The following TMPRSS11A variants were observed in gnomAD, a reference collection of about 807,000 sequenced individuals.
TMPRSS11A encodes transmembrane serine protease 11A, also known as transmembrane protease serine 11A.
Under a neutral mutation model 58.9 loss-of-function variants are expected in TMPRSS11A, and 53 were observed. That is an observed-to-expected ratio of 0.90 (90% CI 0.72 to 1.13). The LOEUF (loss-of-function observed/expected upper bound fraction) is 1.13. Ranked by LOEUF, TMPRSS11A falls within the 50% of genes most tolerant of loss-of-function variation. The pLI, the probability that TMPRSS11A is intolerant of heterozygous loss-of-function variation, is 0.00. For missense variants in TMPRSS11A, 493 were observed against 499.3 expected (o/e 0.99, Z 0.12); for synonymous variants, 167 against 169.8 (o/e 0.98, Z 0.13).
At chr4:67,926,373 G>A (rs1020431922) in intron 5 of TMPRSS11A, among the ~76,000 whole-genome samples, 6 of 152,212 alleles carry the variant, frequency 3.9e-5, no homozygotes, top group African/African-American at 1.4e-4. Context: ...AGGAAACAAT[G>A]TTTTTGCCTA....
chr4:67,928,175 G>T (rs1454851897), intron 5 of TMPRSS11A, among the ~76,000 whole-genome samples: 1 of 152,166 alleles, frequency 6.6e-6, no homozygotes, highest in Admixed American at 6.5e-5. Context: ...CTCCCAAGTA[G>T]CTGGGATTAC....
chr4:67,911,641 A>T, intron 9 of TMPRSS11A, 138 bp from the exon 10 acceptor site: 1 of 533,962 alleles, frequency 1.9e-6, no homozygotes, highest in South Asian at 5.3e-5. Context: ...ATTAATTGAG[A>T]CATGGATTTT....
intron 1 of TMPRSS11A, among the ~76,000 whole-genome samples, chr4:67,961,991 A>T (rs1332976339): frequency 6.6e-6 from 1 of 152,198 alleles, no homozygotes; most frequent in African/African-American, 2.4e-5. Context: ...AGTGATTTGG[A>T]GAATATGAAA....
chr4:67,919,997 A>G (rs971421733), intron 7 of TMPRSS11A, among the ~76,000 whole-genome samples: 1 of 152,208 alleles, frequency 6.6e-6, no homozygotes, highest in African/African-American at 2.4e-5. Flanking sequence ...TCTCATTTAC[A>G]TTTTTAAAAA....
At chr4:67,925,532 C>T (rs552412924) in intron 5 of TMPRSS11A, among the ~76,000 whole-genome samples, 1 of 152,280 alleles carries the variant, frequency 6.6e-6, no homozygotes, top group African/African-American at 2.4e-5. Context: ...ATGATAAACT[C>T]TACAAAGTGG....
At position 67,938,053 on chromosome 4, in the gene TMPRSS11A, C is replaced by T. The variant is rs80227373; in HGVS notation, c.253-5993G>A. ...TTAAGCATTCTCTTTCCTCCGCAGT[C>T]TCATCAGCATGTTATTTTTTTAATC... On this transcript the variant is annotated intron_variant, in intron 3 of 9. Transcript: ENST00000508048. Among the ~76,000 whole-genome samples, 875 of 152,252 alleles carry T rather than the reference C, an allele frequency of 5.7e-3. 8 individuals carry two copies. Among genetic ancestry groups the T allele is most frequent in the African/African-American group, 0.018 (768 of 41,564 alleles).
chr4:67,923,989 G>C (rs536556027), intron 6 of TMPRSS11A, 139 bp downstream of exon 6: 2 of 796,120 alleles, frequency 2.5e-6, no homozygotes, highest in East Asian at 2.6e-5. Flanking sequence ...GAAAAAAAAT[G>C]TATTTAAATC....
At chr4:67,933,886 C>T (rs73823323) in intron 3 of TMPRSS11A, among the ~76,000 whole-genome samples, 9,788 of 152,170 alleles carry the variant, frequency 0.064, 861 homozygotes, top group African/African-American at 0.2. Context: ...ATAAGTTCAA[C>T]CACATTTGAT....
At chr4:67,951,247 A>G (rs769923560) in intron 1 of TMPRSS11A, among the ~76,000 whole-genome samples, 1 of 152,218 alleles carries the variant, frequency 6.6e-6, no homozygotes, top group Non-Finnish European at 1.5e-5. Context: ...GTCAATGAAA[A>G]CATGGTAATA....
At chr4:67,916,502 C>T (rs1030599108) in intron 8 of TMPRSS11A, among the ~76,000 whole-genome samples, 2 of 134,148 alleles carry the variant, frequency 1.5e-5, no homozygotes, top group Non-Finnish European at 3.2e-5. Flanking sequence ...CACACACACA[C>T]ATTTATATTG....
At chr4:67,914,774 T>G in intron 8 of TMPRSS11A, 44 bp from the exon 9 acceptor site, 1 of 1,565,110 alleles carries the variant, frequency 6.4e-7, no homozygotes, top group Non-Finnish European at 8.7e-7. Flanking sequence ...AATCAGCATC[T>G]TTGGCTAGAG....
In TMPRSS11A at chr4:67,920,547, ATATT is replaced by A. The variant is rs1469403241; in HGVS notation, c.693-1319_693-1316del. ...GGTAATTATATATATATATATATAT[ATATT>A]TTTTTTTATATATACACACACACAT... On this transcript the variant is annotated intron_variant, in intron 7 of 9. Coordinates refer to ENST00000508048, the MANE Select transcript of TMPRSS11A (RefSeq NM_001114387.2). Among the ~76,000 whole-genome samples, 216 of 80,102 alleles carry A rather than the reference ATATT, an allele frequency of 2.7e-3. 1 individual carries two copies. Among genetic ancestry groups the A allele is most frequent in the African/African-American group, 0.011 (206 of 17,994 alleles). The allele number at this position is 80,102 out of a possible 152,430, so 52.6% of individuals were successfully genotyped here. A position where few individuals can be genotyped will look rare whatever the true frequency, so the allele number is the denominator to read the frequency against.
chr4:67,951,020 G>A (rs958377026), intron 1 of TMPRSS11A, among the ~76,000 whole-genome samples: 1 of 152,178 alleles, frequency 6.6e-6, no homozygotes, highest in African/African-American at 2.4e-5. Context: ...CAAGAGATGG[G>A]GCAGACCCCT....
chr4:67,950,894 C>A (rs17088824), intron 1 of TMPRSS11A, among the ~76,000 whole-genome samples: 18,162 of 152,244 alleles, frequency 0.12, 3,433 homozygotes, highest in African/African-American at 0.4. Flanking sequence ...GACTACTTGG[C>A]ACTCTGCAGT....
At position 67,919,132 on chromosome 4, in the gene TMPRSS11A, G is replaced by C; in HGVS notation, c.793C>G (p.Arg265Gly). The part of the protein sequence containing the change: ...VRRFIIHEKY[R>G]SAAREYDIAV... Reference sequence around the variant, plus strand: ...ATGTCGTACTCTCTTGCTGCAGAGCGGTACTTCTCATGGATAATAAATCTT... The same window carrying C: ...ATGTCGTACTCTCTTGCTGCAGAGCCGTACTTCTCATGGATAATAAATCTT... The change falls in exon 8 of 10, where the codon CGC becomes GGC. Residue 265 changes from arginine to glycine, a missense_variant. Physicochemically the swap from Arg to Gly is moderately radical, Grantham distance 125. Transcript: ENST00000508048. 6.2e-7 allele frequency: 1 copy of C among 1,614,120 alleles called. No individual in the cohort carries two copies. Among genetic ancestry groups the C allele is most frequent in the South Asian group, 1.1e-5 (1 of 91,082 alleles).
At chr4:67,935,026 A>C (rs1047982972) in intron 3 of TMPRSS11A, among the ~76,000 whole-genome samples, 2 of 152,226 alleles carry the variant, frequency 1.3e-5, no homozygotes, top group East Asian at 1.9e-4. Flanking sequence ...GTGAAAAAAA[A>C]CTTTAGATCC....
At chr4:67,918,837 C>T (rs1394524369) in intron 8 of TMPRSS11A, 136 bp downstream of exon 8, 1 of 1,014,220 alleles carries the variant, frequency 9.9e-7, no homozygotes, top group Non-Finnish European at 1.4e-6. Flanking sequence ...AATTGAATTT[C>T]TGTCACACAA....
chr4:67,944,856 A>G (rs568448883), intron 2 of TMPRSS11A, among the ~76,000 whole-genome samples: 1 of 152,290 alleles, frequency 6.6e-6, no homozygotes, highest in Admixed American at 6.5e-5. Flanking sequence ...CTTTTTATGT[A>G]TTAGCCCATT....
rs77140422 is a variant in TMPRSS11A, at chr4:67,944,792, A to G, written c.134-155T>C. On this transcript the variant is annotated intron_variant, in intron 2 of 9. Coordinates refer to ENST00000508048, the MANE Select transcript of TMPRSS11A (RefSeq NM_001114387.2). ...TAACAGTTAATGTTTTATATCAATT[A>G]TAATAGCTGCCATTTATTGAGTTTC... Among the ~76,000 whole-genome samples, 153 of 152,312 alleles carry G rather than the reference A, an allele frequency of 1.0e-3. 2 individuals are homozygous for G. The East Asian group carries it at 0.027, about 27-fold the overall frequency.
Sources: gnomAD v4.1 joint callset for allele counts (sites outside exome capture counted in the v4.1 genomes callset) on GRCh38, gnomAD v4.1.1 for gene constraint, MANE v1.5 for transcripts, NCBI Gene and HGNC (gene_info 2026-07-23, HGNC 2026-07-21) for gene names.